KCNH5: variants seen among roughly 807,000 people sequenced by gnomAD.
KCNH5 encodes voltage-gated delayed rectifier potassium channel KCNH5.
KCNH5 carries 46 observed loss-of-function variants against 96.1 expected under a neutral mutation model. That is an observed-to-expected ratio of 0.48 (90% confidence interval 0.38 to 0.61). The LOEUF (loss-of-function observed/expected upper bound fraction) is 0.61, where lower values mean the gene tolerates loss of function less well. KCNH5 is among the 20% of genes least tolerant of loss of function. The pLI, the probability that KCNH5 is intolerant of heterozygous loss-of-function variation, is 0.00. For synonymous variants in KCNH5, 439 were observed against 449.8 expected (o/e 0.98, Z 0.30); for missense variants, 907 against 1,225.8 (o/e 0.74, Z 3.88).
intron 7 of KCNH5, among the ~76,000 whole-genome samples, chr14:62,906,654 A>G (rs747309391): frequency 3.3e-5 from 5 of 152,196 alleles, no homozygotes; most frequent in Non-Finnish European, 5.9e-5. Context: ...TAAATTCATA[A>G]AGAGAAATGA....
chr14:62,756,957 TA>T (rs1408061438), intron 10 of KCNH5, among the ~76,000 whole-genome samples: 1 of 152,014 alleles, frequency 6.6e-6, no homozygotes, highest in Non-Finnish European at 1.5e-5. Flanking sequence ...TAGATCACGT[TA>T]AAAAGCTTCT....
At chr14:62,742,868 C>T (rs1885299854) in intron 10 of KCNH5, among the ~76,000 whole-genome samples, 1 of 152,158 alleles carries the variant, frequency 6.6e-6, no homozygotes, top group African/African-American at 2.4e-5. Flanking sequence ...TTCTGGGCCT[C>T]ACTTCAGAGA....
intron 7 of KCNH5, among the ~76,000 whole-genome samples, chr14:62,859,736 T>G (rs947117394): frequency 6.6e-5 from 10 of 152,212 alleles, no homozygotes; most frequent in Non-Finnish European, 1.3e-4. Context: ...AAGACTTCCC[T>G]TCACTGCTGT....
At chr14:62,789,288 C>T (rs1886382951) in intron 9 of KCNH5, among the ~76,000 whole-genome samples, 1 of 151,918 alleles carries the variant, frequency 6.6e-6, no homozygotes, top group Non-Finnish European at 1.5e-5. Context: ...GAATAATATT[C>T]CATTGCATAT....
intron 10 of KCNH5, among the ~76,000 whole-genome samples, chr14:62,777,966 G>C (rs371336599): frequency 1.2e-3 from 189 of 152,178 alleles, no homozygotes; most frequent in African/African-American, 4.3e-3. Flanking sequence ...TGTGTCACTT[G>C]GTTGTTTGAT....
intron 8 of KCNH5, among the ~76,000 whole-genome samples, chr14:62,828,727 C>T (rs1443957126): frequency 6.6e-6 from 1 of 152,092 alleles, no homozygotes; most frequent in East Asian, 1.9e-4. Flanking sequence ...GACACAGACC[C>T]AAAGCATATC....
chr14:63,037,664 C>T (rs1391793350), intron 1 of KCNH5, among the ~76,000 whole-genome samples: 2 of 152,138 alleles, frequency 1.3e-5, no homozygotes, highest in Non-Finnish European at 1.5e-5. Flanking sequence ...GTTAACTTTT[C>T]CCCTCAATCC....
chr14:63,016,837 G>C lies in KCNH5; in HGVS notation c.191C>G (p.Thr64Ser). 6.2e-7 allele frequency: 1 copy of C among 1,607,912 alleles called. No individual in the cohort carries two copies. The highest frequency in any genetic ancestry group is 8.5e-7 in the Non-Finnish European group (1 of 1,177,420). The stretch of plus-strand genomic sequence containing the variant: ...TAGCTATTCTGTTACCTACCTGCAA[G>C]TGCTGCTTTTCTGCATGACGTCAGC... Reference protein sequence around the residue: ...HRADVMQKSSTCSFMYGELTD... With the variant: ...HRADVMQKSSSCSFMYGELTD... The change falls in exon 2 of 11, where the codon ACT (threonine) becomes AGT (serine). Residue 64 changes from threonine to serine, a missense_variant. By Grantham distance (58) the Thr-to-Ser change is moderately conservative. Transcript: ENST00000322893.
intron 7 of KCNH5, among the ~76,000 whole-genome samples, chr14:62,861,854 G>C (rs2140057702): frequency 6.6e-6 from 1 of 152,184 alleles, no homozygotes; most frequent in Non-Finnish European, 1.5e-5. Flanking sequence ...ATTTTCCTAT[G>C]ACCTTGAATT....
At chr14:62,837,303 A>G (rs1030810783) in intron 8 of KCNH5, among the ~76,000 whole-genome samples, 1 of 152,214 alleles carries the variant, frequency 6.6e-6, no homozygotes, top group African/African-American at 2.4e-5. Context: ...GTCATTCCAG[A>G]GACTGGAACA....
chr14:63,000,843 G>C lies in KCNH5; in HGVS notation c.433+488C>G, dbSNP rs149735441. Among the ~76,000 whole-genome samples, 65 of 152,290 alleles carry C rather than the reference G, an allele frequency of 4.3e-4. 1 individual carries two copies. In the East Asian group the frequency reaches 9.6e-3, roughly 23 times the overall value. Reference sequence around the variant, plus strand: ...AATCCCAGCACTTTGGGAGGCCAAGGGGGGTCAGATAACTTGAGCCCAAGT... The same window carrying C: ...AATCCCAGCACTTTGGGAGGCCAAGCGGGGTCAGATAACTTGAGCCCAAGT... On this transcript the variant is annotated intron_variant, in intron 4 of 10. Transcript: ENST00000322893.
intron 7 of KCNH5, among the ~76,000 whole-genome samples, chr14:62,942,094 C>T (rs536788651): frequency 1.3e-5 from 2 of 152,302 alleles, no homozygotes; most frequent in East Asian, 3.9e-4. Flanking sequence ...ATCTTATTCT[C>T]CATAAAGCAA....
intron 2 of KCNH5, among the ~76,000 whole-genome samples, chr14:63,007,344 A>G (rs542243542): frequency 4.6e-5 from 7 of 152,290 alleles, no homozygotes; most frequent in African/African-American, 1.4e-4. Flanking sequence ...GAGGATGACA[A>G]TTTTCGAGAA....
At chr14:62,986,350 T>C (rs1165743606) in intron 5 of KCNH5, among the ~76,000 whole-genome samples, 1 of 152,096 alleles carries the variant, frequency 6.6e-6, no homozygotes, top group Non-Finnish European at 1.5e-5. Flanking sequence ...AAAGGTCATT[T>C]TCCTGGCACA....
chr14:62,755,013 T>G (rs1027938206), intron 10 of KCNH5, among the ~76,000 whole-genome samples: 1 of 151,222 alleles, frequency 6.6e-6, no homozygotes, highest in Non-Finnish European at 1.5e-5. Flanking sequence ...GAAGGCAAGC[T>G]TCCCATAAAC....
intron 7 of KCNH5, among the ~76,000 whole-genome samples, chr14:62,929,150 T>C (rs552626337): frequency 8.5e-5 from 13 of 152,140 alleles, no homozygotes; most frequent in African/African-American, 2.6e-4. Context: ...AAGAGATATA[T>C]AAACCAAAAA....
chr14:62,936,910 G>C (rs1346449935), intron 7 of KCNH5, among the ~76,000 whole-genome samples: 1 of 150,206 alleles, frequency 6.7e-6, no homozygotes, highest in Non-Finnish European at 1.5e-5. Flanking sequence ...GAACCCAGGA[G>C]GCAGAGGTTG....
chr14:62,771,556 C>G (rs949847396), intron 10 of KCNH5, among the ~76,000 whole-genome samples: 63 of 152,154 alleles, frequency 4.1e-4, no homozygotes, highest in African/African-American at 1.4e-3. Flanking sequence ...ACCCGGGAGG[C>G]AGAGCTTGCA....
At chr14:62,954,759 G>T (rs1890069659) in intron 6 of KCNH5, among the ~76,000 whole-genome samples, 1 of 152,140 alleles carries the variant, frequency 6.6e-6, no homozygotes, top group African/African-American at 2.4e-5. Flanking sequence ...TGGACTCACA[G>T]TTCCACACGG....
Sources: allele counts gnomAD v4.1 joint callset (sites outside exome capture counted in the v4.1 genomes callset), GRCh38; gene constraint gnomAD v4.1.1; transcripts MANE v1.5; gene names NCBI Gene and HGNC (gene_info 2026-07-23, HGNC 2026-07-21).